Variants in MAGI2 observed in about 807,000 individuals in gnomAD.
MAGI2 encodes membrane-associated guanylate kinase, WW and PDZ domain-containing protein 2.
A neutral mutation model predicts 133.3 loss-of-function variants in MAGI2; 35 were observed. That is an observed-to-expected ratio of 0.26 (90% CI 0.20 to 0.35). The LOEUF (loss-of-function observed/expected upper bound fraction) is 0.35. Ranked by LOEUF, MAGI2 falls within the 10% of genes least tolerant of loss-of-function variation. The probability of loss-of-function intolerance (pLI) is 1.00; values close to 1 mark genes in which losing one functional copy is unlikely to be tolerated. For synonymous variants in MAGI2, 729 were observed against 710.6 expected (o/e 1.03, Z -0.41); for missense variants, 1,636 against 1,863.4 (o/e 0.88, Z 2.25).
At chr7:78,567,903 A>C (rs1801113649) in intron 3 of MAGI2, 1 of 152,160 alleles carries the variant, frequency 6.6e-6, no homozygotes, top group Non-Finnish European at 1.5e-5. Flanking sequence ...AACTCACTCC[A>C]ATCAGGCATT....
At chr7:78,649,819 A>C (rs1811353592) in intron 2 of MAGI2, among the ~76,000 whole-genome samples, 1 of 152,152 alleles carries the variant, frequency 6.6e-6, no homozygotes, top group Non-Finnish European at 1.5e-5. Context: ...ACTCGTCTGA[A>C]CAGTCCTCAT....
chr7:79,139,794 C>A (rs2302442), intron 1 of MAGI2: 92,912 of 152,108 alleles, frequency 0.61, 34,417 homozygotes, highest in Non-Finnish European at 0.83. Context: ...AACAAATGAA[C>A]CAAAAAAACC....
chr7:78,945,716 G>T (rs968657623), intron 2 of MAGI2, among the ~76,000 whole-genome samples: 1 of 151,720 alleles, frequency 6.6e-6, no homozygotes, highest in Non-Finnish European at 1.5e-5. Context: ...CTGCTGCTTT[G>T]CCACTTCTGA....
At chr7:78,380,532 G>A (rs1474442597) in intron 6 of MAGI2, among the ~76,000 whole-genome samples, 2 of 152,036 alleles carry the variant, frequency 1.3e-5, no homozygotes, top group Admixed American at 6.6e-5. Context: ...CCAGCTGTGG[G>A]AGCTAAAACT....
At chr7:78,407,176 T>A (rs1797456476) in intron 6 of MAGI2, among the ~76,000 whole-genome samples, 1 of 152,078 alleles carries the variant, frequency 6.6e-6, no homozygotes, top group Non-Finnish European at 1.5e-5. Flanking sequence ...TCTTTGCTTA[T>A]GAGAAAGGAA....
At chr7:79,256,972 T>G (rs1191637551) in intron 1 of MAGI2, among the ~76,000 whole-genome samples, 1 of 152,120 alleles carries the variant, frequency 6.6e-6, no homozygotes, top group Non-Finnish European at 1.5e-5. Context: ...AGAGACTTAT[T>G]GTACAACATG....
intron 2 of MAGI2, chr7:78,946,670 G>A (rs1366020638): frequency 6.6e-6 from 1 of 152,118 alleles, no homozygotes; most frequent in Non-Finnish European, 1.5e-5. Context: ...TCTGGGTTAT[G>A]TTTATTTCCT....
chr7:79,277,525 G>T (rs1835323216), intron 1 of MAGI2, among the ~76,000 whole-genome samples: 1 of 151,930 alleles, frequency 6.6e-6, no homozygotes, highest in Non-Finnish European at 1.5e-5. Flanking sequence ...CATATGTGCT[G>T]ATCATCTAAA....
At chr7:78,970,552 T>C (rs1201813664) in intron 2 of MAGI2, among the ~76,000 whole-genome samples, 1 of 151,766 alleles carries the variant, frequency 6.6e-6, no homozygotes, top group Non-Finnish European at 1.5e-5. Context: ...TTAGCAATTA[T>C]GGAAACTACA....
chr7:78,444,218 A>G (rs1270297766), intron 6 of MAGI2, among the ~76,000 whole-genome samples: 2 of 152,144 alleles, frequency 1.3e-5, no homozygotes, highest in Non-Finnish European at 2.9e-5. Context: ...CAACTCAGTT[A>G]GTTGGCTATA....
chr7:78,868,233 CA>C (rs1258704059), intron 2 of MAGI2, among the ~76,000 whole-genome samples: 3 of 152,090 alleles, frequency 2.0e-5, no homozygotes, highest in Non-Finnish European at 4.4e-5. Flanking sequence ...TAGTCAAAAA[CA>C]AACTTAGAAA....
chr7:78,945,544 A>G lies in MAGI2; in HGVS notation c.418+61546T>C, dbSNP rs554739896. On this transcript the variant is annotated intron_variant, in intron 2 of 21. Transcript: ENST00000354212. ...CACTCTTTACATTTTCAAGAATACA[A>G]TATAACATCAACCACAGTCACCTTG... 3.9e-5 allele frequency among the ~76,000 whole-genome samples: 6 copies of G among 152,348 alleles called. No homozygotes were observed. The East Asian group carries it at 1.2e-3, about 29-fold the overall frequency.
intron 4 of MAGI2, among the ~76,000 whole-genome samples, chr7:78,504,867 G>C (rs1437924772): frequency 6.6e-6 from 1 of 152,030 alleles, no homozygotes; most frequent in Non-Finnish European, 1.5e-5. Context: ...AATATCTATT[G>C]ACCTTGAAAG....
chr7:78,695,144 G>A (rs1026599355), intron 2 of MAGI2, among the ~76,000 whole-genome samples: 1 of 152,118 alleles, frequency 6.6e-6, no homozygotes, highest in Non-Finnish European at 1.5e-5. Flanking sequence ...AGAATTGCTT[G>A]AACCAGGGAG....
intron 3 of MAGI2, among the ~76,000 whole-genome samples, chr7:78,570,298 TC>T (rs1434657529): frequency 1.3e-5 from 2 of 152,340 alleles, no homozygotes; most frequent in East Asian, 3.9e-4. Flanking sequence ...TCTAAGTAGA[TC>T]TTGTAAATAT....
At chr7:78,101,736 G>A (rs953526932) in intron 20 of MAGI2, among the ~76,000 whole-genome samples, 5 of 152,158 alleles carry the variant, frequency 3.3e-5, no homozygotes, top group African/African-American at 1.2e-4. Context: ...CACAGCAAAG[G>A]GAACCTTTGT....
intron 16 of MAGI2, among the ~76,000 whole-genome samples, chr7:78,138,922 G>A (rs1013069047): frequency 8.5e-5 from 13 of 152,250 alleles, no homozygotes; most frequent in African/African-American, 2.6e-4. Context: ...TTTGAATTAC[G>A]AAGAGCAAGC....
chr7:78,519,601 A>G (rs956933221), intron 4 of MAGI2, among the ~76,000 whole-genome samples: 2 of 152,152 alleles, frequency 1.3e-5, no homozygotes, highest in African/African-American at 4.8e-5. Context: ...AAGACCTCCT[A>G]ACCATAAAAG....
intron 1 of MAGI2, among the ~76,000 whole-genome samples, chr7:79,207,031 C>G (rs1374208925): frequency 6.6e-6 from 1 of 151,822 alleles, no homozygotes; most frequent in Non-Finnish European, 1.5e-5. Context: ...AATGAAAATT[C>G]TCAACAAATT....
Sources: gnomAD v4.1 joint callset for allele counts (sites outside exome capture counted in the v4.1 genomes callset) on GRCh38, gnomAD v4.1.1 for gene constraint, MANE v1.5 for transcripts, NCBI Gene and HGNC (gene_info 2026-07-23, HGNC 2026-07-21) for gene names.